Variants in ATP9B observed in about 807,000 individuals in gnomAD.
The protein encoded by ATP9B is probable phospholipid-transporting ATPase IIB.
A neutral mutation model predicts 146.1 loss-of-function variants in ATP9B; 110 were observed. The ratio of observed to expected loss-of-function variants is 0.75; its 90% CI spans 0.65 to 0.88. ATP9B has a LOEUF of 0.88. ATP9B is among the 40% of genes least tolerant of loss of function. The probability of loss-of-function intolerance (pLI) is 0.00; values close to 1 mark genes in which losing one functional copy is unlikely to be tolerated. For synonymous variants in ATP9B, 604 were observed against 569.7 expected (o/e 1.06, Z -0.86); for missense variants, 1,499 against 1,496.4 (o/e 1.00, Z -0.03).
intron 8 of ATP9B, among the ~76,000 whole-genome samples, chr18:79,183,420 A>C (rs1431905898): frequency 6.6e-6 from 1 of 151,800 alleles, no homozygotes; most frequent in Non-Finnish European, 1.5e-5. Context: ...TATCCCATTT[A>C]AATTTACATT....
At position 79,096,552 on chromosome 18, in the gene ATP9B, G is replaced by T. The variant is rs201658109; in HGVS notation, c.196G>T (p.Glu66Ter). The T allele has an allele frequency of 1.2e-6, 2 of 1,613,998 alleles. No individual in the cohort carries two copies. Among genetic ancestry groups the T allele is most frequent in the Admixed American group, 3.3e-5 (2 of 60,012 alleles). Reference protein sequence around the residue: ...MMSEEGFENEESDYHTLPRAR... With the variant: ...MMSEEGFENE The stretch of plus-strand genomic sequence containing the variant: ...GTCTGAAGAAGGCTTTGAGAATGAG[G>T]AAAGTGATTACCACACCTTACCACG... The change falls in exon 2 of 30, where the codon GAA becomes TAA. Residue 66 changes from glutamate (E) to a stop codon, truncating the protein, a stop_gained. Coordinates refer to ENST00000426216, the MANE Select transcript of ATP9B (RefSeq NM_198531.5). LOFTEE classifies it high-confidence loss of function.
chr18:79,086,677 T>C (rs1302257068), intron 1 of ATP9B, among the ~76,000 whole-genome samples: 1 of 152,154 alleles, frequency 6.6e-6, no homozygotes, highest in Non-Finnish European at 1.5e-5. Flanking sequence ...CCATTAACTC[T>C]AATTCAGAAG....
In ATP9B at chr18:79,372,164, G is replaced by A. The variant is rs536407803; in HGVS notation, c.3013-661G>A. 3.7e-4 allele frequency among the ~76,000 whole-genome samples: 55 copies of A among 150,088 alleles called. No homozygotes were observed. In the South Asian group the frequency reaches 6.3e-3, roughly 17 times the overall value. On this transcript the variant is annotated intron_variant, in intron 26 of 29. Transcript: ENST00000426216. ...GGGATGCAGTGGGACAAGCAACCCC[G>A]TGGGCCAGAGCTCCCCTGCCTCCTG...
At chr18:79,247,152 G>A (rs1019057517) in intron 11 of ATP9B, among the ~76,000 whole-genome samples, 17 of 152,198 alleles carry the variant, frequency 1.1e-4, no homozygotes, top group African/African-American at 4.1e-4. Context: ...TCCAGCCACT[G>A]TGTTGCTTTG....
intron 5 of ATP9B, among the ~76,000 whole-genome samples, chr18:79,133,874 C>T (rs762982921): frequency 6.6e-6 from 1 of 152,214 alleles, no homozygotes; most frequent in Non-Finnish European, 1.5e-5. Flanking sequence ...ACTTTACTGG[C>T]GGCCCTGCAG....
intron 10 of ATP9B, among the ~76,000 whole-genome samples, chr18:79,208,264 T>C (rs1283281934): frequency 6.6e-6 from 1 of 151,856 alleles, no homozygotes; most frequent in Non-Finnish European, 1.5e-5. Flanking sequence ...AAAATGAAGT[T>C]TATATAGACC....
intron 13 of ATP9B, among the ~76,000 whole-genome samples, chr18:79,277,826 A>G (rs1408496095): frequency 6.6e-6 from 1 of 152,218 alleles, no homozygotes; most frequent in African/African-American, 2.4e-5. Context: ...TTGATTTGTA[A>G]TTTAAATTGC....
intron 10 of ATP9B, among the ~76,000 whole-genome samples, chr18:79,211,537 A>G (rs1264039716): frequency 6.6e-6 from 1 of 152,130 alleles, no homozygotes; most frequent in African/African-American, 2.4e-5. Flanking sequence ...GTCATATTTT[A>G]TGCCTCCCTT....
At chr18:79,228,661 G>C (rs902345956) in intron 11 of ATP9B, among the ~76,000 whole-genome samples, 2 of 152,160 alleles carry the variant, frequency 1.3e-5, no homozygotes, top group Admixed American at 1.3e-4. Context: ...GTGACTTGCT[G>C]TTCTGGTATC....
intron 11 of ATP9B, among the ~76,000 whole-genome samples, chr18:79,231,049 C>G (rs1392817031): frequency 6.6e-6 from 1 of 152,200 alleles, no homozygotes; most frequent in Non-Finnish European, 1.5e-5. Context: ...CATACAAATT[C>G]TAGAAGATAA....
intron 5 of ATP9B, among the ~76,000 whole-genome samples, chr18:79,137,762 C>T (rs1295672603): frequency 6.6e-6 from 1 of 152,206 alleles, no homozygotes; most frequent in Non-Finnish European, 1.5e-5. Flanking sequence ...GCTCCAATGC[C>T]TCCTTTTCTA....
chr18:79,327,851 TCTCCATGGTTAGCGTG>T, intron 15 of ATP9B, among the ~76,000 whole-genome samples: 1 of 50,142 alleles, frequency 2.0e-5, no homozygotes, highest in Non-Finnish European at 4.3e-5. Flanking sequence ...GTTAGCGTGC[TCTCCATGGTTAGCGTG>T]CTCTCCATGG....
At chr18:79,138,913 C>T (rs2094479915) in intron 5 of ATP9B, among the ~76,000 whole-genome samples, 1 of 151,882 alleles carries the variant, frequency 6.6e-6, no homozygotes, top group Non-Finnish European at 1.5e-5. Flanking sequence ...ACAAAAAATA[C>T]AAAAATTAGC....
intron 11 of ATP9B, among the ~76,000 whole-genome samples, chr18:79,231,803 T>TACATAC (rs1555777828): frequency 8.7e-6 from 1 of 114,760 alleles, no homozygotes; most frequent in Non-Finnish European, 1.7e-5. Flanking sequence ...TATATATATA[T>TACATAC]ACACACACAC....
intron 25 of ATP9B, among the ~76,000 whole-genome samples, chr18:79,355,711 C>A (rs1203860001): frequency 6.6e-6 from 1 of 152,106 alleles, no homozygotes; most frequent in Non-Finnish European, 1.5e-5. Flanking sequence ...TAGGAACTTA[C>A]TTGAAGGAAT....
intron 1 of ATP9B, among the ~76,000 whole-genome samples, chr18:79,090,967 G>A (rs1311231312): frequency 6.6e-6 from 1 of 152,164 alleles, no homozygotes; most frequent in South Asian, 2.1e-4. Context: ...TAGACAGTGA[G>A]AGATAGGAGT....
intron 9 of ATP9B, among the ~76,000 whole-genome samples, chr18:79,205,637 C>T (rs1010821366): frequency 2.0e-5 from 3 of 152,246 alleles, no homozygotes; most frequent in African/African-American, 4.8e-5. Flanking sequence ...GCCTCCCACA[C>T]GGGACGTCTT....
intron 5 of ATP9B, among the ~76,000 whole-genome samples, chr18:79,128,456 C>T (rs2094324977): frequency 6.6e-6 from 1 of 152,098 alleles, no homozygotes; most frequent in African/African-American, 2.4e-5. Flanking sequence ...CCTAGTATGA[C>T]TTGTTGAAAA....
At chr18:79,125,753 G>A (rs1385631490) in intron 4 of ATP9B, among the ~76,000 whole-genome samples, 1 of 152,144 alleles carries the variant, frequency 6.6e-6, no homozygotes. Context: ...TAAAAAGTGA[G>A]ATGAAAGCAC....
Sources: allele counts gnomAD v4.1 joint callset (sites outside exome capture counted in the v4.1 genomes callset), GRCh38; gene constraint gnomAD v4.1.1; transcripts MANE v1.5; gene names NCBI Gene and HGNC (gene_info 2026-07-23, HGNC 2026-07-21).